The following RUBCN variants were observed in gnomAD, a reference collection of about 807,000 sequenced individuals.
The protein encoded by RUBCN is run domain Beclin-1-interacting and cysteine-rich domain-containing protein.
RUBCN carries 74 observed loss-of-function variants against 113.2 expected under a neutral mutation model. That is an observed-to-expected ratio of 0.65 (90% CI 0.54 to 0.79). The LOEUF is 0.79. RUBCN is among the 30% of genes least tolerant of loss of function. RUBCN has a pLI of 0.00. For missense variants in RUBCN, 1,109 were observed against 1,251.7 expected (o/e 0.89, Z 1.72); for synonymous variants, 480 against 490.0 (o/e 0.98, Z 0.27).
At chr3:197,723,319 A>G (rs1193378749) in intron 1 of RUBCN, among the ~76,000 whole-genome samples, 36 of 152,074 alleles carry the variant, frequency 2.4e-4, no homozygotes, top group Non-Finnish European at 4.6e-4. Context: ...AGTTGGAATT[A>G]GAGTTACAGG....
intron 2 of RUBCN, among the ~76,000 whole-genome samples, chr3:197,707,058 T>C (rs904095843): frequency 4.0e-5 from 6 of 150,960 alleles, no homozygotes; most frequent in Non-Finnish European, 7.4e-5. Flanking sequence ...GCGTGTAAAA[T>C]TGTGGCCGGG....
rs374757817 is a variant in RUBCN at position 197,693,778 on chromosome 3, G to A, written c.1723C>T (p.Arg575Cys). The change falls in exon 11 of 20, where the codon CGT becomes TGT. Residue 575 changes from arginine (R) to cysteine (C), a missense_variant. By Grantham distance (180) the Arg-to-Cys change is radical. This residue lies in a region of RUBCN where 736 missense variants were observed against 779.6 expected (regional missense o/e 0.94). Coordinates refer to ENST00000296343, the MANE Select transcript of RUBCN (RefSeq NM_014687.4). ...VTSSSSQFSS[R>C]DSAQLSDSGS... ...GAGTCAGAGAGCTGTGCCGAATCACGTGAGCTGAACTGGGAGCTGCTGGAG... is the reference window on the plus strand; with the variant it reads ...GAGTCAGAGAGCTGTGCCGAATCACATGAGCTGAACTGGGAGCTGCTGGAG... 4.2e-5 allele frequency: 67 copies of A among 1,613,936 alleles called. No individual in the cohort carries two copies. The highest frequency in any genetic ancestry group is 3.3e-5 in the Admixed American group (2 of 59,992).
At position 197,675,728 on chromosome 3, in the gene RUBCN, G is replaced by A. The variant is rs58215423; in HGVS notation, c.2647-213C>T. 4.0e-5 allele frequency among the ~76,000 whole-genome samples: 6 copies of A among 150,428 alleles called. No homozygotes were observed. The highest frequency in any genetic ancestry group is 5.9e-5 in the Non-Finnish European group (4 of 67,284). On this transcript the variant is annotated intron_variant, in intron 18 of 19. Transcript: ENST00000296343. This position sits in a 1 kb window ranked among gnomAD's most constrained non-coding sequence, Gnocchi z 4.4. ...GCAGAAGATCAGACAGGCACCAGCCGGAGAAGCTCCGACCCCCAGCGCGGC... is the reference window on the plus strand; with the variant it reads ...GCAGAAGATCAGACAGGCACCAGCCAGAGAAGCTCCGACCCCCAGCGCGGC...
intron 2 of RUBCN, among the ~76,000 whole-genome samples, chr3:197,709,904 C>T (rs1323739451): frequency 1.3e-5 from 2 of 151,942 alleles, no homozygotes; most frequent in Non-Finnish European, 2.9e-5. Context: ...TGTGGTGGCG[C>T]ACACCCGTTT....
intron 2 of RUBCN, among the ~76,000 whole-genome samples, chr3:197,714,924 A>T (rs927990060): frequency 2.6e-5 from 4 of 152,200 alleles, no homozygotes; most frequent in Admixed American, 2.6e-4. Flanking sequence ...GAAAGCAGAA[A>T]CCTTTAAGAA....
intron 2 of RUBCN, among the ~76,000 whole-genome samples, chr3:197,715,433 A>G (rs1162267489): frequency 6.6e-6 from 1 of 152,232 alleles, no homozygotes; most frequent in African/African-American, 2.4e-5. Flanking sequence ...TCTAAATATG[A>G]CAATATTTTA....
chr3:197,722,972 C>T (rs553506919), intron 1 of RUBCN, among the ~76,000 whole-genome samples: 4 of 151,990 alleles, frequency 2.6e-5, no homozygotes, highest in African/African-American at 7.2e-5. Flanking sequence ...AGGTAATTAT[C>T]GATAAGTAAG....
At chr3:197,730,992 TTTTG>T (rs1408021201) in intron 1 of RUBCN, among the ~76,000 whole-genome samples, 1 of 150,946 alleles carries the variant, frequency 6.6e-6, no homozygotes, top group African/African-American at 2.5e-5. Flanking sequence ...ACTAGAGGTT[TTTTG>T]TTTTTGTTTT....
chr3:197,717,839 A>G lies in RUBCN; in HGVS notation c.219+138T>C. 3.5e-6 allele frequency: 3 copies of G among 863,676 alleles called. 1 individual carries two copies. The South Asian group carries it at 4.3e-5, about 12-fold the overall frequency. 53.5% of individuals were successfully genotyped at this position (863,676 alleles called of 1,614,324 possible). A position where few individuals can be genotyped will look rare whatever the true frequency, so the allele number is the denominator to read the frequency against. On this transcript the variant is annotated intron_variant, in intron 2 of 19. Transcript: ENST00000296343. Reference sequence around the variant, plus strand: ...TCAGACACGATGTGAAACGTTCTGTATATTAAAAAAATGAATTAAGTCACA... The same window carrying G: ...TCAGACACGATGTGAAACGTTCTGTGTATTAAAAAAATGAATTAAGTCACA...
chr3:197,717,845 A>C, intron 2 of RUBCN, 132 bp downstream of exon 2: 4 of 953,452 alleles, frequency 4.2e-6, no homozygotes, highest in Non-Finnish European at 6.6e-6. Flanking sequence ...CTGTATATTA[A>C]AAAAATGAAT....
At position 197,694,601 on chromosome 3, in the gene RUBCN, C is replaced by A; in HGVS notation, c.1474-16G>T. 6.2e-7 allele frequency: 1 copy of A among 1,603,184 alleles called. No individual in the cohort carries two copies. Among genetic ancestry groups the A allele is most frequent in the Admixed American group, 1.7e-5 (1 of 60,010 alleles). On this transcript the variant is annotated splice_polypyrimidine_tract_variant and intron_variant, in intron 9 of 19. Transcript: ENST00000296343. Reference sequence around the variant, plus strand: ...GGGCATTCTCCTGGCGGAAGGAGAGCACCAAACAGGCAAAGGGTTAGAAGT... The same window carrying A: ...GGGCATTCTCCTGGCGGAAGGAGAGAACCAAACAGGCAAAGGGTTAGAAGT...
At position 197,675,074 on chromosome 3, in the gene RUBCN, C is replaced by T. The variant is rs1163609812; in HGVS notation, c.2863G>A (p.Glu955Lys). The T allele has an allele frequency of 1.2e-5, 20 of 1,613,284 alleles. No homozygotes were observed. Among genetic ancestry groups the T allele is most frequent in the Admixed American group, 1.7e-5 (1 of 60,010 alleles). ...QSLESYLSDY[E>K]EEPAEALALE... ...GCCAGCGCTTCCGCGGGCTCCTCCT[C>T]GTAGTCTGACAGGTAAGACTCCAGG... Residue 955 changes from glutamate (E) to lysine (K), a missense_variant, in exon 20 of 20, where the codon GAG becomes AAG. By Grantham distance (56) the Glu-to-Lys change is moderately conservative (BLOSUM62 1). Coordinates refer to ENST00000296343, the MANE Select transcript of RUBCN (RefSeq NM_014687.4). This position sits in a 1 kb window ranked among gnomAD's most constrained non-coding sequence, Gnocchi z 4.4.
intron 2 of RUBCN, among the ~76,000 whole-genome samples, chr3:197,717,456 G>T (rs182841709): frequency 1.5e-3 from 232 of 150,560 alleles, no homozygotes; most frequent in Admixed American, 3.7e-3. Context: ...AAAAAAAAAG[G>T]GGGGGGCAGA....
At chr3:197,739,489 G>C (rs370413843), upstream of RUBCN, among the ~76,000 whole-genome samples, 644 of 151,290 alleles carry the variant, frequency 4.3e-3, 2 homozygotes, top group African/African-American at 0.011. Context: ...GTCAGGAGAT[G>C]GAGACTATCC....
Position 197,682,457 on chromosome 3 carries a change from A to G in RUBCN, c.2126+13T>C, listed in dbSNP as rs1721355571. 3 of 1,614,044 alleles carry G rather than the reference A, an allele frequency of 1.9e-6. No homozygotes were observed. The highest frequency in any genetic ancestry group is 1.7e-5 in the Admixed American group (1 of 60,004). On this transcript the variant is annotated intron_variant, in intron 14 of 19. Transcript: ENST00000296343. ...GATCTGTGCTCCAAAGGGCACAGAC[A>G]CTGGCCACTCACGTTGGGGCTGGAT...
intron 1 of RUBCN, among the ~76,000 whole-genome samples, chr3:197,720,179 C>T (rs1725991297): frequency 6.6e-6 from 1 of 152,132 alleles, no homozygotes; most frequent in African/African-American, 2.4e-5. Context: ...CTTCTCCCTC[C>T]TACCCTCCTC....
chr3:197,688,315 C>T (rs937582544), intron 11 of RUBCN, among the ~76,000 whole-genome samples: 1 of 151,624 alleles, frequency 6.6e-6, no homozygotes, highest in African/African-American at 2.4e-5. Context: ...GTGTGAGCCA[C>T]CGCTGGTCTC....
chr3:197,748,389 A>T (rs527452634), intron 1 of RUBCN: 69 of 152,268 alleles, frequency 4.5e-4, no homozygotes, highest in African/African-American at 1.6e-3. Flanking sequence ...CTCCACTATT[A>T]AAGTTTCTTG....
chr3:197,682,480 G>A lies in RUBCN; in HGVS notation c.2116C>T (p.Pro706Ser). Residue 706 changes from proline (P) to serine (S), a missense_variant, in exon 14 of 20, where the codon CCA becomes TCA. Pro to Ser is a moderately conservative substitution (Grantham distance 74). Transcript: ENST00000296343. Reference sequence around the variant, plus strand: ...ACACTGGCCACTCACGTTGGGGCTGGATGAACATTAAAAATTATCTGAGGC... The same window carrying A: ...ACACTGGCCACTCACGTTGGGGCTGAATGAACATTAAAAATTATCTGAGGC... ...PRPQIIFNVHPAPTRKIAVAK... is the reference protein window; with the variant it reads ...PRPQIIFNVHSAPTRKIAVAK... 3 of 1,614,170 alleles carry A rather than the reference G, an allele frequency of 1.9e-6. No individual in the cohort carries two copies. The highest frequency in any genetic ancestry group is 2.5e-6 in the Non-Finnish European group (3 of 1,180,036).
Sources: allele counts gnomAD v4.1 joint callset (sites outside exome capture counted in the v4.1 genomes callset), GRCh38; gene constraint gnomAD v4.1.1; regional missense constraint gnomAD v4.1.1; non-coding constraint Gnocchi (gnomAD v3.1); transcripts MANE v1.5; gene names NCBI Gene and HGNC (gene_info 2026-07-23, HGNC 2026-07-21).